The following ALOX5 variants were observed in gnomAD, a reference collection of about 807,000 sequenced individuals.
The protein encoded by ALOX5 is polyunsaturated fatty acid 5-lipoxygenase.
ALOX5 carries 64 observed loss-of-function variants against 87.9 expected under a neutral mutation model. That is an observed-to-expected ratio of 0.73 (90% CI 0.60 to 0.90). The LOEUF is 0.90. Among genes scored for constraint, ALOX5 ranks in the 40% least tolerant of loss-of-function variants. The pLI, the probability that ALOX5 is intolerant of heterozygous loss-of-function variation, is 0.00. For missense variants in ALOX5, 822 were observed against 907.5 expected (o/e 0.91, Z 1.21); for synonymous variants, 388 against 355.1 (o/e 1.09, Z -1.04).
intron 7 of ALOX5, among the ~76,000 whole-genome samples, chr10:45,433,635 T>C (rs1841978857): frequency 6.6e-6 from 1 of 152,080 alleles, no homozygotes; most frequent in East Asian, 1.9e-4. Flanking sequence ...AGGGTACACA[T>C]TGGTTTTGGC....
At chr10:45,392,680 C>T (rs1020369424) in intron 2 of ALOX5, among the ~76,000 whole-genome samples, 15 of 149,180 alleles carry the variant, frequency 1.0e-4, no homozygotes, top group South Asian at 4.2e-4. Context: ...TCCCCCTCTG[C>T]GAGAAACACC....
intron 6 of ALOX5, among the ~76,000 whole-genome samples, chr10:45,427,208 C>G (rs575448302): frequency 5.1e-4 from 77 of 152,332 alleles, no homozygotes; most frequent in Non-Finnish European, 9.7e-4. Flanking sequence ...CTTCACCAGC[C>G]TGGGTGGTCT....
Position 45,395,885 on chromosome 10 carries a change from T to C in ALOX5, c.380T>C (p.Ile127Thr). 6.2e-7 allele frequency: 1 copy of C among 1,614,226 alleles called. No homozygotes were observed. Among genetic ancestry groups the C allele is most frequent in the Non-Finnish European group, 8.5e-7 (1 of 1,180,034 alleles). The change falls in exon 3 of 14, where the codon ATT becomes ACT. Residue 127 changes from isoleucine to threonine, a missense_variant. Ile to Thr is a moderately conservative substitution (Grantham distance 89). Coordinates refer to ENST00000374391, the MANE Select transcript of ALOX5 (RefSeq NM_000698.5). ...AKLARDDQIH[I>T]LKQHRRKELE... is the part of the protein sequence containing the mutation. The stretch of plus-strand genomic sequence containing the variant: ...TTGGCCCGAGATGACCAAATTCACA[T>C]TCTCAAGCAACACCGACGTAAAGAA...
chr10:45,393,608 A>G (rs531681971), intron 2 of ALOX5, among the ~76,000 whole-genome samples: 10 of 152,370 alleles, frequency 6.6e-5, no homozygotes, highest in Admixed American at 4.6e-4. Flanking sequence ...GGCCAGGGCA[A>G]TCAGGCAGGA....
intron 3 of ALOX5, among the ~76,000 whole-genome samples, chr10:45,398,287 G>A (rs1174298467): frequency 2.6e-5 from 4 of 152,198 alleles, no homozygotes; most frequent in Non-Finnish European, 5.9e-5. Flanking sequence ...AAACTGGATA[G>A]CCACATGCAA....
intron 5 of ALOX5, 118 bp downstream of exon 5, chr10:45,424,265 C>A: frequency 4.8e-6 from 4 of 841,176 alleles, no homozygotes; most frequent in Non-Finnish European, 8.0e-6. Context: ...GGGGGCCTCG[C>A]TGCCACCATG....
intron 4 of ALOX5, among the ~76,000 whole-genome samples, chr10:45,414,322 A>C (rs1354509255): frequency 2.0e-5 from 3 of 151,298 alleles, no homozygotes; most frequent in African/African-American, 7.3e-5. Flanking sequence ...AACCTGACAA[A>C]AACAAGCAAT....
chr10:45,443,407 C>T lies in ALOX5; in HGVS notation c.1452-9C>T. 2 of 1,600,184 alleles carry T rather than the reference C, an allele frequency of 1.2e-6. No individual in the cohort carries two copies. Among genetic ancestry groups the T allele is most frequent in the South Asian group, 1.1e-5 (1 of 90,182 alleles). ...GGGTCGCCCACCCCGGCTGCGCCCCCTGAGCCAGGTTCACGGCCGAGGTGG... is the reference window on the plus strand; with the variant it reads ...GGGTCGCCCACCCCGGCTGCGCCCCTTGAGCCAGGTTCACGGCCGAGGTGG... On this transcript the variant is annotated splice_polypyrimidine_tract_variant and intron_variant, in intron 10 of 13. Transcript: ENST00000374391.
intron 3 of ALOX5, 142 bp from the exon 4 acceptor site, chr10:45,412,049 G>A: frequency 1.6e-6 from 2 of 1,240,044 alleles, no homozygotes; most frequent in East Asian, 4.9e-5. Flanking sequence ...TGGACACAGG[G>A]TCAGCCTATG....
Position 45,382,660 on chromosome 10 carries a change from G to T in ALOX5, c.328G>T (p.Val110Phe), listed in dbSNP as rs139241802. Reference protein sequence around the residue: ...CYRWITGDVEVVLRDGRAKLA... With the variant: ...CYRWITGDVEFVLRDGRAKLA... ...CCGCTGGATCACCGGCGATGTCGAGGTTGTCCTGAGGGATGGACGCGGTGA... is the reference window on the plus strand; with the variant it reads ...CCGCTGGATCACCGGCGATGTCGAGTTTGTCCTGAGGGATGGACGCGGTGA... Residue 110 changes from valine (V) to phenylalanine (F), a missense_variant, in exon 2 of 14, where the codon GTT becomes TTT. Val to Phe is a conservative substitution (Grantham distance 50). Transcript: ENST00000374391. 8 of 1,613,550 alleles carry T rather than the reference G, an allele frequency of 5.0e-6. No individual in the cohort carries two copies. The highest frequency in any genetic ancestry group is 1.7e-4 in the Middle Eastern group (1 of 6,060).
intron 3 of ALOX5, among the ~76,000 whole-genome samples, chr10:45,400,628 A>G (rs1303034123): frequency 6.6e-6 from 1 of 152,164 alleles, no homozygotes; most frequent in Non-Finnish European, 1.5e-5. Flanking sequence ...AAAGAAATGA[A>G]CTACAGATAG....
At chr10:45,401,985 G>A (rs534637226) in intron 3 of ALOX5, among the ~76,000 whole-genome samples, 1 of 151,138 alleles carries the variant, frequency 6.6e-6, no homozygotes, top group Non-Finnish European at 1.5e-5. Context: ...TGCTCGGGAG[G>A]CTGAGGCAAG....
intron 4 of ALOX5, among the ~76,000 whole-genome samples, chr10:45,412,677 A>G (rs1841109439): frequency 6.6e-6 from 1 of 152,202 alleles, no homozygotes; most frequent in African/African-American, 2.4e-5. Flanking sequence ...TGCTATGGTA[A>G]GAATGGCCAA....
chr10:45,431,206 A>C (rs1277967978), intron 7 of ALOX5, among the ~76,000 whole-genome samples: 2 of 152,234 alleles, frequency 1.3e-5, no homozygotes, highest in Non-Finnish European at 2.9e-5. Flanking sequence ...TATATGATAA[A>C]GATAGCTAAC....
chr10:45,428,537 G>C lies in ALOX5; in HGVS notation c.835-81G>C, dbSNP rs181230895. 5.2e-6 allele frequency: 8 copies of C among 1,553,396 alleles called. No homozygotes were observed. The African/African-American group carries it at 9.5e-5, about 18-fold the overall frequency. ...CGCAGGAAAGGGAGAGGGGTGCCCA[G>C]AGGTCATCACTCTTTCCCCAGGCCT... On this transcript the variant is annotated intron_variant, in intron 6 of 13. Coordinates refer to ENST00000374391, the MANE Select transcript of ALOX5 (RefSeq NM_000698.5).
intron 9 of ALOX5, among the ~76,000 whole-genome samples, chr10:45,441,821 C>T (rs1424731138): frequency 4.6e-5 from 7 of 152,154 alleles, no homozygotes; most frequent in Admixed American, 6.5e-5. Flanking sequence ...CTCCCCAGCA[C>T]TCTGCTTCCC....
chr10:45,415,131 C>G (rs530055293), intron 4 of ALOX5, among the ~76,000 whole-genome samples: 4 of 152,168 alleles, frequency 2.6e-5, no homozygotes, highest in South Asian at 4.1e-4. Context: ...AAGACACATG[C>G]ACACGTATGT....
At chr10:45,443,393 C>G in intron 10 of ALOX5, 23 bp from the exon 11 acceptor site, 3 of 1,595,720 alleles carry the variant, frequency 1.9e-6, no homozygotes, top group Non-Finnish European at 2.6e-6. Context: ...GGTCGCCCAC[C>G]CCGGCTGCGC....
In ALOX5 at chr10:45,425,282, C is replaced by A; in HGVS notation, c.834+150C>A. The A allele has an allele frequency of 1.1e-6, 1 of 936,106 alleles. No homozygotes were observed. The highest frequency in any genetic ancestry group is 1.6e-6 in the Non-Finnish European group (1 of 642,432). 58.0% of individuals were successfully genotyped at this position (936,106 alleles called of 1,614,324 possible). A position where few individuals can be genotyped will look rare whatever the true frequency, so the allele number is the denominator to read the frequency against. ...CGCTTCCTTTTCCTGGCAGCAGTGT[C>A]AGCCAGGGTCCTGGGCATTATGCAG... On this transcript the variant is annotated intron_variant, in intron 6 of 13. Coordinates refer to ENST00000374391, the MANE Select transcript of ALOX5 (RefSeq NM_000698.5). The surrounding 1 kb of genome is among the most constrained non-coding windows in gnomAD (Gnocchi z 4.4).
Sources: allele counts gnomAD v4.1 joint callset (sites outside exome capture counted in the v4.1 genomes callset), GRCh38; gene constraint gnomAD v4.1.1; non-coding constraint Gnocchi (gnomAD v3.1); transcripts MANE v1.5; gene names NCBI Gene and HGNC (gene_info 2026-07-23, HGNC 2026-07-21).